Variants in CDH12 observed in about 807,000 individuals in gnomAD.
CDH12 encodes cadherin 12.
In CDH12, 41 loss-of-function variants were observed where a neutral mutation model predicts 74.1. The observed-to-expected ratio is 0.55, with a 90% CI of 0.43 to 0.72. The LOEUF (loss-of-function observed/expected upper bound fraction) is 0.72. CDH12 is among the 30% of genes least tolerant of loss of function. The probability of loss-of-function intolerance (pLI) is 0.00; values close to 1 mark genes in which losing one functional copy is unlikely to be tolerated. For synonymous variants in CDH12, 399 were observed against 355.0 expected (o/e 1.12, Z -1.39); for missense variants, 945 against 977.2 (o/e 0.97, Z 0.44).
chr5:22,166,283 A>G (rs1260200388), intron 4 of CDH12, among the ~76,000 whole-genome samples: 2 of 152,176 alleles, frequency 1.3e-5, no homozygotes, highest in African/African-American at 4.8e-5. Context: ...CTGGAAGAGG[A>G]CCTAGTTAGA....
At chr5:22,269,454 T>C (rs1736285965) in intron 3 of CDH12, among the ~76,000 whole-genome samples, 1 of 152,180 alleles carries the variant, frequency 6.6e-6, no homozygotes, top group South Asian at 2.1e-4. Context: ...GTTTGCACCC[T>C]GAATAGCATT....
intron 3 of CDH12, among the ~76,000 whole-genome samples, chr5:22,299,881 A>AT (rs1286916181): frequency 1.3e-5 from 2 of 152,116 alleles, no homozygotes; most frequent in South Asian, 2.1e-4. Context: ...AGTTCCTGTC[A>AT]TTTTTTCTTC....
intron 1 of CDH12, among the ~76,000 whole-genome samples, chr5:22,780,607 T>C (rs1479491536): frequency 1.3e-5 from 2 of 152,014 alleles, no homozygotes; most frequent in East Asian, 3.9e-4. Flanking sequence ...AGCATGGGGA[T>C]AACTGCCCCC....
At chr5:21,846,461 T>C (rs1182346824) in intron 7 of CDH12, among the ~76,000 whole-genome samples, 1 of 152,004 alleles carries the variant, frequency 6.6e-6, no homozygotes, top group Non-Finnish European at 1.5e-5. Context: ...ACTTCAAGAG[T>C]ATGTCTGTTT....
Position 22,813,346 on chromosome 5 carries a change from T to C in CDH12, c.-523+39712A>G, listed in dbSNP as rs560351683. Among the ~76,000 whole-genome samples the C allele has an allele frequency of 3.9e-5, 6 of 152,284 alleles. No homozygotes were observed. The South Asian group carries it at 1.2e-3, about 32-fold the overall frequency. On this transcript the variant is annotated intron_variant, in intron 1 of 14. Coordinates refer to ENST00000382254, the MANE Select transcript of CDH12 (RefSeq NM_004061.5). ...TTGCAGGTTTACTAAAGTTTAATAA[T>C]AAGTGCTGTATCTTGAAATACCCTA... is the stretch of plus-strand genomic sequence containing the variant.
intron 1 of CDH12, among the ~76,000 whole-genome samples, chr5:22,724,754 ATAT>A (rs1332682587): frequency 6.6e-6 from 1 of 151,934 alleles, no homozygotes. Flanking sequence ...TCTTTTAAAA[ATAT>A]TATAACTGAT....
chr5:22,248,778 A>G (rs971270476), intron 3 of CDH12, among the ~76,000 whole-genome samples: 1 of 152,310 alleles, frequency 6.6e-6, no homozygotes, highest in African/African-American at 2.4e-5. Flanking sequence ...AAATTATTGT[A>G]GACTCCAGAT....
At chr5:22,326,117 T>G (rs562653628) in intron 3 of CDH12, among the ~76,000 whole-genome samples, 2 of 152,292 alleles carry the variant, frequency 1.3e-5, no homozygotes, top group Admixed American at 1.3e-4. Context: ...TAAGAATAGC[T>G]TTTCCCCCGT....
chr5:22,167,240 C>A (rs981656297), intron 4 of CDH12, among the ~76,000 whole-genome samples: 2 of 152,140 alleles, frequency 1.3e-5, no homozygotes, highest in African/African-American at 4.8e-5. Flanking sequence ...TGTTTATATT[C>A]TGAAGGATGC....
chr5:22,556,008 G>C (rs79204420), intron 1 of CDH12, among the ~76,000 whole-genome samples: 10 of 151,726 alleles, frequency 6.6e-5, no homozygotes, highest in South Asian at 2.1e-4. Context: ...GTATCAAACC[G>C]TAACAGAGAA....
At chr5:22,696,851 T>C (rs1045024906) in intron 1 of CDH12, among the ~76,000 whole-genome samples, 13 of 152,120 alleles carry the variant, frequency 8.5e-5, no homozygotes, top group Non-Finnish European at 1.6e-4. Flanking sequence ...AAGGCTGGGA[T>C]GCCTGGAATT....
chr5:22,093,657 T>C (rs1322538200), intron 4 of CDH12, among the ~76,000 whole-genome samples: 1 of 152,168 alleles, frequency 6.6e-6, no homozygotes, highest in Non-Finnish European at 1.5e-5. Context: ...TTGGGGTTCC[T>C]TCTTGGGCGA....
At chr5:21,970,613 G>A (rs1756801058) in intron 6 of CDH12, among the ~76,000 whole-genome samples, 1 of 151,740 alleles carries the variant, frequency 6.6e-6, no homozygotes, top group Admixed American at 6.6e-5. Flanking sequence ...GCCGAGGCAG[G>A]CAAATCACTT....
chr5:21,956,034 A>T (rs1461862923), intron 6 of CDH12, among the ~76,000 whole-genome samples: 1 of 152,124 alleles, frequency 6.6e-6, no homozygotes, highest in African/African-American at 2.4e-5. Context: ...GAGAAAGATA[A>T]TAAATATTTT....
chr5:22,432,075 A>G (rs1561399580), intron 2 of CDH12, among the ~76,000 whole-genome samples: 1 of 152,138 alleles, frequency 6.6e-6, no homozygotes, highest in Non-Finnish European at 1.5e-5. Flanking sequence ...CACCCAGAGC[A>G]ACTGCCAGTT....
chr5:22,495,719 A>G (rs1359074080), intron 2 of CDH12, among the ~76,000 whole-genome samples: 1 of 152,038 alleles, frequency 6.6e-6, no homozygotes, highest in East Asian at 1.9e-4. Context: ...TATAAGAAAA[A>G]ATAAACTTTA....
At chr5:22,502,693 ATTC>A (rs909875120) in intron 2 of CDH12, among the ~76,000 whole-genome samples, 1 of 151,776 alleles carries the variant, frequency 6.6e-6, no homozygotes, top group African/African-American at 2.4e-5. Flanking sequence ...ACATCAGGTT[ATTC>A]TTCTACATTC....
intron 1 of CDH12, among the ~76,000 whole-genome samples, chr5:22,666,001 C>T (rs1740593735): frequency 6.6e-6 from 1 of 152,256 alleles, no homozygotes; most frequent in East Asian, 1.9e-4. Flanking sequence ...CGCTTTCTGC[C>T]TCATATATCC....
intron 3 of CDH12, among the ~76,000 whole-genome samples, chr5:22,345,770 C>T (rs1464620215): frequency 6.6e-6 from 1 of 152,116 alleles, no homozygotes; most frequent in Non-Finnish European, 1.5e-5. Flanking sequence ...TGTACAACCA[C>T]AGCAGTTTCC....
Sources: gnomAD v4.1 joint callset for allele counts (sites outside exome capture counted in the v4.1 genomes callset) on GRCh38, gnomAD v4.1.1 for gene constraint, MANE v1.5 for transcripts, NCBI Gene and HGNC (gene_info 2026-07-23, HGNC 2026-07-21) for gene names.